EEF1E1: variants seen among roughly 807,000 people sequenced by gnomAD.
EEF1E1 encodes the protein eukaryotic translation elongation factor 1 epsilon 1.
In EEF1E1, 19 loss-of-function variants were observed where a neutral mutation model predicts 19.9. The observed-to-expected ratio is 0.95, with a 90% confidence interval of 0.66 to 1.40. EEF1E1 has a LOEUF of 1.40. Ranked by LOEUF, EEF1E1 falls within the 40% of genes most tolerant of loss-of-function variation. The pLI, the probability that EEF1E1 is intolerant of heterozygous loss-of-function variation, is 0.00. For synonymous variants in EEF1E1, 81 were observed against 80.0 expected, an observed-to-expected ratio of 1.01 and a Z score of -0.07; for missense variants, 198 against 202.2, an observed-to-expected ratio of 0.98 and a Z score of 0.13.
downstream of EEF1E1, among the ~76,000 whole-genome samples, chr6:8,077,123 C>T (rs1018010202): frequency 1.6e-4 from 24 of 151,780 alleles, no homozygotes; most frequent in South Asian, 2.3e-3. Flanking sequence ...TTCTGTATTT[C>T]TAGTAGAGAT....
chr6:8,093,324 C>T (rs1036565174), intron 2 of EEF1E1, among the ~76,000 whole-genome samples: 3 of 135,054 alleles, frequency 2.2e-5, no homozygotes, highest in Non-Finnish European at 3.1e-5. Context: ...CATTCGCTTC[C>T]TTTTTTTTTT....
At position 8,102,546 on chromosome 6, in the gene EEF1E1, C is replaced by A. The variant is rs1309513305; in HGVS notation, c.-25G>T. ...TCTTCCGGCCGTAGCTCCTGGCAGA[C>A]GCGAGACCTGCAGAACAAGAACCTC... On this transcript the variant is annotated 5_prime_UTR_variant, in exon 1 of 4. Transcript: ENST00000379715. 1.2e-6 allele frequency: 2 copies of A among 1,605,962 alleles called. No homozygotes were observed. The highest frequency in any genetic ancestry group is 4.5e-5 in the East Asian group (2 of 44,862).
Position 8,090,218 on chromosome 6 carries a change from T to C in EEF1E1, c.352A>G (p.Ile118Val). ...LTGYNFTLAD[I>V]LLYYGLHRFI... ...CGATGAAGTCCATAGTACAATAGTA[T>C]ATCTGCTAATGTAAAGTTATACCCT... is the stretch of plus-strand genomic sequence containing the variant. The change falls in exon 3 of 4, where the codon ATA (isoleucine) becomes GTA (valine). Residue 118 changes from isoleucine (I) to valine (V), a missense_variant. Physicochemically the swap from Ile to Val is conservative, Grantham distance 29 (BLOSUM62 3). Transcript: ENST00000379715. The C allele has an allele frequency of 6.5e-7, 1 of 1,526,724 alleles. No individual in the cohort carries two copies. The highest frequency in any genetic ancestry group is 1.3e-5 in the South Asian group (1 of 74,770). 94.6% of individuals were successfully genotyped at this position (1,526,724 alleles called of 1,614,324 possible). A position where few individuals can be genotyped will look rare whatever the true frequency, so the allele number is the denominator to read the frequency against.
intron 3 of EEF1E1, among the ~76,000 whole-genome samples, chr6:8,086,325 T>A (rs1169205301): frequency 2.0e-5 from 3 of 152,176 alleles, no homozygotes; most frequent in Non-Finnish European, 4.4e-5. Context: ...AATCCCTGTC[T>A]TCTCTCTTCA....
At chr6:8,087,883 CAT>C (rs1051481758) in intron 3 of EEF1E1, among the ~76,000 whole-genome samples, 7 of 152,182 alleles carry the variant, frequency 4.6e-5, no homozygotes, top group African/African-American at 1.7e-4. Flanking sequence ...CACAAAAACA[CAT>C]GAGTTCTTTT....
At position 8,082,339 on chromosome 6, in the gene EEF1E1, G is replaced by A. The variant is rs535468406; in HGVS notation, c.385-2309C>T. On this transcript the variant is annotated intron_variant, in intron 3 of 3. Transcript: ENST00000379715. ...GTTGCCCAGACTGGAGGGCAGTGGC[G>A]CGATCTGGGCTCACTGCAACCTCCA... Among the ~76,000 whole-genome samples the A allele has an allele frequency of 3.3e-5, 5 of 152,226 alleles. 1 individual carries two copies. The highest frequency in any genetic ancestry group is 6.5e-5 in the Admixed American group (1 of 15,298).
intron 3 of EEF1E1, among the ~76,000 whole-genome samples, chr6:8,080,232 T>G (rs139546937): frequency 6.6e-6 from 1 of 152,206 alleles, no homozygotes; most frequent in Non-Finnish European, 1.5e-5. Context: ...TTCAATGTTA[T>G]GTTCAGTACA....
intron 3 of EEF1E1, among the ~76,000 whole-genome samples, chr6:8,074,062 C>T (rs1757538124): frequency 6.6e-6 from 1 of 152,206 alleles, no homozygotes; most frequent in African/African-American, 2.4e-5. Context: ...GGAGAGAAGC[C>T]TTTTGCTGTC....
intron 2 of EEF1E1, 100 bp downstream of exon 2, chr6:8,097,167 G>A (rs1758198943): frequency 2.6e-6 from 3 of 1,133,120 alleles, no homozygotes; most frequent in East Asian, 2.4e-5. Context: ...CAGAAGGAAA[G>A]AGGTGAAGAA....
At chr6:8,076,947 GTTTTTT>G (rs70982138), downstream of EEF1E1, among the ~76,000 whole-genome samples, 7 of 113,008 alleles carry the variant, frequency 6.2e-5, no homozygotes, top group African/African-American at 1.2e-4. Flanking sequence ...TTTTGTTTTT[GTTTTTT>G]TTTTTTTGAG....
intron 2 of EEF1E1, 33 bp downstream of exon 2, chr6:8,097,234 A>T: frequency 6.3e-7 from 1 of 1,594,298 alleles, no homozygotes; most frequent in South Asian, 1.1e-5. Flanking sequence ...TTAACAGTTC[A>T]TGCATTTCAG....
At chr6:8,093,458 A>G (rs1479557521) in intron 2 of EEF1E1, among the ~76,000 whole-genome samples, 1 of 151,984 alleles carries the variant, frequency 6.6e-6, no homozygotes, top group Non-Finnish European at 1.5e-5. Flanking sequence ...AAGTTGAAAA[A>G]GCAGTAAAAT....
chr6:8,079,741 C>A lies in EEF1E1; in HGVS notation c.*149G>T. 7.8e-7 allele frequency: 1 copy of A among 1,289,340 alleles called. No homozygotes were observed. The highest frequency in any genetic ancestry group is 9.8e-7 in the Non-Finnish European group (1 of 1,015,710). 79.9% of individuals were successfully genotyped at this position (1,289,340 alleles called of 1,614,324 possible). On this transcript the variant is annotated 3_prime_UTR_variant, in exon 4 of 4. Coordinates refer to ENST00000379715, the MANE Select transcript of EEF1E1 (RefSeq NM_004280.5). ...AACTTCAGCTAAAGAACAAATAAAA[C>A]ATTCAGACACAAGTTTACACTTCAA...
At chr6:8,101,243 A>T (rs868657935) in intron 1 of EEF1E1, among the ~76,000 whole-genome samples, 2 of 58,476 alleles carry the variant, frequency 3.4e-5, no homozygotes, top group South Asian at 7.4e-4. Flanking sequence ...AAAAAAAAAA[A>T]ATATATATAT....
intron 3 of EEF1E1, chr6:8,073,660 C>A (rs917169625): frequency 8.6e-7 from 1 of 1,159,830 alleles, no homozygotes. Flanking sequence ...ATCTTCATAA[C>A]TGAATACTAC....
intron 1 of EEF1E1, among the ~76,000 whole-genome samples, chr6:8,099,774 ACACACACACACACAC>A: frequency 8.1e-6 from 1 of 123,446 alleles, no homozygotes; most frequent in Non-Finnish European, 1.7e-5. Flanking sequence ...ACACACACAC[ACACACACACACACAC>A]ACAAAAAAAA....
chr6:8,078,764 C>T (rs564962953), downstream of EEF1E1: 74 of 1,279,870 alleles, frequency 5.8e-5, no homozygotes, highest in South Asian at 8.6e-4. Flanking sequence ...AGGAAACTAA[C>T]CTTACTGATT....
chr6:8,087,181 G>A (rs574531121), intron 3 of EEF1E1, among the ~76,000 whole-genome samples: 2 of 152,316 alleles, frequency 1.3e-5, no homozygotes, highest in South Asian at 4.1e-4. Context: ...ACATGTTGTG[G>A]CTGAGAGAAT....
At chr6:8,095,626 A>G (rs574934533) in intron 2 of EEF1E1, 1 of 156,306 alleles carries the variant, frequency 6.4e-6, no homozygotes, top group East Asian at 1.9e-4. Context: ...GGCATAGAAA[A>G]AACACAAAAG....
Sources: allele counts gnomAD v4.1 joint callset (sites outside exome capture counted in the v4.1 genomes callset), GRCh38; gene constraint gnomAD v4.1.1; transcripts MANE v1.5; gene names NCBI Gene and HGNC (gene_info 2026-07-23, HGNC 2026-07-21).